The following KIF5A variants were observed in gnomAD, a reference collection of about 807,000 sequenced individuals.
KIF5A encodes kinesin heavy chain isoform 5A.
A neutral mutation model predicts 141.3 loss-of-function variants in KIF5A; 35 were observed. The observed-to-expected ratio is 0.25, with a 90% CI of 0.19 to 0.33. KIF5A has a LOEUF of 0.33. Among genes scored for constraint, KIF5A ranks in the 10% least tolerant of loss-of-function variants. KIF5A has a pLI of 1.00. For synonymous variants in KIF5A, 448 were observed against 500.2 expected, an observed-to-expected ratio of 0.90 and a Z score of 1.39; for missense variants, 861 against 1,314.3, an observed-to-expected ratio of 0.66 and a Z score of 5.33.
chr12:57,562,365 G>A (rs545514027), intron 1 of KIF5A, among the ~76,000 whole-genome samples: 54 of 152,274 alleles, frequency 3.5e-4, no homozygotes, highest in Non-Finnish European at 5.4e-4. Flanking sequence ...ACAGGTGCCT[G>A]CCACCACGCC....
chr12:57,572,552 C>T lies in KIF5A; in HGVS notation c.1570-28C>T. ...GGGCAAGGGAGCAGGAGGATGGCAA[C>T]AGGAATGACCTGAGGGGCTGTCCCC... is the stretch of plus-strand genomic sequence containing the variant. On this transcript the variant is annotated intron_variant, in intron 14 of 28. Transcript: ENST00000455537. This position sits in a 1 kb window ranked among gnomAD's most constrained non-coding sequence, Gnocchi z 4.2. 1.9e-6 allele frequency: 3 copies of T among 1,614,056 alleles called. No homozygotes were observed. In the Admixed American group the frequency reaches 5.0e-5, roughly 27 times the overall value.
chr12:57,555,823 C>T (rs182098797), intron 1 of KIF5A, among the ~76,000 whole-genome samples: 109 of 126,992 alleles, frequency 8.6e-4, no homozygotes, highest in African/African-American at 2.7e-3. Flanking sequence ...GCAGGAGAAT[C>T]GCTTGAACCT....
intron 1 of KIF5A, among the ~76,000 whole-genome samples, chr12:57,555,379 A>G (rs1347148309): frequency 6.6e-6 from 1 of 152,188 alleles, no homozygotes; most frequent in East Asian, 1.9e-4. Context: ...ATGAAAAAAA[A>G]ATCAGGCAAA....
intron 28 of KIF5A, among the ~76,000 whole-genome samples, chr12:57,583,573 C>T (rs1171663297): frequency 6.6e-6 from 1 of 152,114 alleles, no homozygotes; most frequent in African/African-American, 2.4e-5. Context: ...CCTAGGGGGC[C>T]ATCTCAACCC....
At chr12:57,574,242 A>G (rs959120817) in intron 15 of KIF5A, among the ~76,000 whole-genome samples, 1 of 151,254 alleles carries the variant, frequency 6.6e-6, no homozygotes. Context: ...GCTTTATAAG[A>G]TTTATTTGTA....
At chr12:57,575,317 A>T in intron 16 of KIF5A, 45 bp downstream of exon 16, 1 of 1,576,586 alleles carries the variant, frequency 6.3e-7, no homozygotes, top group Non-Finnish European at 8.7e-7. Context: ...TGGGAGAAAG[A>T]AGGCTACTCT....
intron 1 of KIF5A, among the ~76,000 whole-genome samples, chr12:57,552,263 G>A (rs1303834078): frequency 6.6e-6 from 1 of 152,152 alleles, no homozygotes; most frequent in Non-Finnish European, 1.5e-5. Flanking sequence ...ATAGTGGGAT[G>A]GGGCAGGGGG....
In KIF5A at chr12:57,576,326, C is replaced by T. The variant is rs377539747; in HGVS notation, c.2146C>T (p.Arg716Trp). ...GGAGGCCCATCACCGGCAGCTGGCCCGGCTCCGGGACGAGATCAACGAGAA... is the reference window on the plus strand; with the variant it reads ...GGAGGCCCATCACCGGCAGCTGGCCTGGCTCCGGGACGAGATCAACGAGAA... Reference protein sequence around the residue: ...HREAHHRQLARLRDEINEKQK... With the variant: ...HREAHHRQLAWLRDEINEKQK... The change falls in exon 19 of 29, where the codon CGG (arginine) becomes TGG (tryptophan). Residue 716 changes from arginine (R) to tryptophan (W), a missense_variant. Arg to Trp is a moderately radical substitution (Grantham distance 101). This residue lies in a region of KIF5A where 482 missense variants were observed against 661.3 expected (regional missense o/e 0.73). Transcript: ENST00000455537. The T allele has an allele frequency of 3.4e-5, 55 of 1,613,856 alleles. No homozygotes were observed. The highest frequency in any genetic ancestry group is 1.2e-4 in the Admixed American group (7 of 59,986).
chr12:57,571,427 T>C, intron 13 of KIF5A, 38 bp downstream of exon 13: 1 of 1,607,748 alleles, frequency 6.2e-7, no homozygotes, highest in Non-Finnish European at 8.5e-7. Context: ...AGGAAAGGGG[T>C]TCTGTTCATC....
chr12:57,574,742 G>A (rs1156666114), intron 15 of KIF5A, among the ~76,000 whole-genome samples: 1 of 151,366 alleles, frequency 6.6e-6, no homozygotes, highest in African/African-American at 2.4e-5. Context: ...CATGATGCTT[G>A]GCTAATTTTG....
chr12:57,561,597 TAAA>T (rs1291088074), intron 1 of KIF5A, among the ~76,000 whole-genome samples: 1 of 152,104 alleles, frequency 6.6e-6, no homozygotes, highest in East Asian at 1.9e-4. Flanking sequence ...GTTTTAATAT[TAAA>T]AAACATTTAT....
chr12:57,555,774 TG>T (rs1881715186), intron 1 of KIF5A, among the ~76,000 whole-genome samples: 1 of 148,230 alleles, frequency 6.7e-6, no homozygotes, highest in African/African-American at 2.5e-5. Context: ...CCGGGCGTGG[TG>T]GTGGGCGCCT....
chr12:57,578,180 C>G (rs1882484733), intron 22 of KIF5A, 58 bp from the exon 23 acceptor site: 1 of 1,582,730 alleles, frequency 6.3e-7, no homozygotes, highest in Non-Finnish European at 8.7e-7. Flanking sequence ...TTGGCCTGGT[C>G]TTGGTGGGAC....
chr12:57,581,031 G>A lies in KIF5A; in HGVS notation c.2614G>A (p.Val872Ile). Residue 872 changes from valine to isoleucine, a missense_variant, in exon 24 of 29, where the codon GTT becomes ATT. Physicochemically the swap from Val to Ile is conservative, Grantham distance 29 (BLOSUM62 3). Transcript: ENST00000455537. Reference protein sequence around the residue: ...EKRLRATAERVKALEGALKEA... With the variant: ...EKRLRATAERIKALEGALKEA... ...ACGACTTAGGGCTACGGCTGAGAGA[G>A]TTAAGGCCCTGGAGGGTGCACTGAA... The A allele has an allele frequency of 6.2e-7, 1 of 1,614,138 alleles. No individual in the cohort carries two copies. Among genetic ancestry groups the A allele is most frequent in the Non-Finnish European group, 8.5e-7 (1 of 1,180,042 alleles).
At chr12:57,577,849 T>A (rs1594923888) in intron 21 of KIF5A, 76 bp downstream of exon 21, 4 of 1,360,594 alleles carry the variant, frequency 2.9e-6, no homozygotes, top group Non-Finnish European at 4.2e-6. Flanking sequence ...ACCCTATTCC[T>A]CCTGCCCTTT....
At position 57,563,405 on chromosome 12, in the gene KIF5A, T is replaced by C. The variant is rs758138429; in HGVS notation, c.130-34T>C. 6.8e-6 allele frequency: 10 copies of C among 1,475,716 alleles called. No homozygotes were observed. The Admixed American group carries it at 1.0e-4, about 15-fold the overall frequency. The allele number at this position is 1,475,716 out of a possible 1,614,324, so 91.4% of individuals were successfully genotyped here. A position where few individuals can be genotyped will look rare whatever the true frequency, so the allele number is the denominator to read the frequency against. ...TATTTCTTTTCCCTCACATCCTGCCTGTTGACGTCTGATATCTTTTATTTT... is the reference window on the plus strand; with the variant it reads ...TATTTCTTTTCCCTCACATCCTGCCCGTTGACGTCTGATATCTTTTATTTT... On this transcript the variant is annotated intron_variant, in intron 1 of 28. Coordinates refer to ENST00000455537, the MANE Select transcript of KIF5A (RefSeq NM_004984.4).
chr12:57,583,384 G>T (rs1253261947), intron 28 of KIF5A, among the ~76,000 whole-genome samples, 169 bp downstream of exon 28: 2 of 151,958 alleles, frequency 1.3e-5, no homozygotes, highest in African/African-American at 4.8e-5. Flanking sequence ...CACCTGTGCT[G>T]CCCCATGTAA....
chr12:57,565,393 C>G (rs1565696897), intron 6 of KIF5A, among the ~76,000 whole-genome samples: 1 of 151,914 alleles, frequency 6.6e-6, no homozygotes, highest in Non-Finnish European at 1.5e-5. Context: ...TGCACTCCAG[C>G]CTGGGCGACA....
intron 25 of KIF5A, 122 bp downstream of exon 25, chr12:57,581,690 T>A (rs1046021008): frequency 1.5e-6 from 2 of 1,291,938 alleles, no homozygotes; most frequent in Admixed American, 1.8e-5. Flanking sequence ...CTCAACTTCA[T>A]GCCTATGATT....
Sources: allele counts gnomAD v4.1 joint callset (sites outside exome capture counted in the v4.1 genomes callset), GRCh38; gene constraint gnomAD v4.1.1; regional missense constraint gnomAD v4.1.1; non-coding constraint Gnocchi (gnomAD v3.1); transcripts MANE v1.5; gene names NCBI Gene and HGNC (gene_info 2026-07-23, HGNC 2026-07-21).